Variants in PIWIL2 observed in about 807,000 individuals in gnomAD.
PIWIL2 encodes the protein piwi-like protein 2.
Under a neutral mutation model 116.5 loss-of-function variants are expected in PIWIL2, and 81 were observed. The ratio of observed to expected loss-of-function variants is 0.70; its 90% CI spans 0.58 to 0.84. PIWIL2 has a LOEUF of 0.84. Among genes scored for constraint, PIWIL2 ranks in the 40% least tolerant of loss-of-function variants. The pLI, the probability that PIWIL2 is intolerant of heterozygous loss-of-function variation, is 0.00. For synonymous variants in PIWIL2, 489 were observed against 429.5 expected (o/e 1.14, Z -1.71); for missense variants, 1,272 against 1,212.3 (o/e 1.05, Z -0.73).
chr8:22,350,522 G>A (rs1832329698), intron 20 of PIWIL2, among the ~76,000 whole-genome samples: 1 of 152,108 alleles, frequency 6.6e-6, no homozygotes, highest in Admixed American at 6.6e-5. Flanking sequence ...GCTTGAGCCT[G>A]GGAGGTGGAG....
intron 21 of PIWIL2, among the ~76,000 whole-genome samples, chr8:22,353,723 G>A (rs80041906): frequency 0.052 from 7,419 of 141,836 alleles, 292 homozygotes; most frequent in Admixed American, 0.093. Flanking sequence ...CTAAGATAGC[G>A]TATGCTTAAC....
Position 22,284,211 on chromosome 8 carries a change from C to G in PIWIL2, c.682C>G (p.Leu228Val), listed in dbSNP as rs748065275. 6.2e-7 allele frequency: 1 copy of G among 1,607,824 alleles called. No homozygotes were observed. ...GSKGTPQSLG[L>V]NLVKIQCHNE... ...AAAAGGAACACCTCAGTCTTTGGGACTGAACCTCGTCAAAATACAGTGTCA... is the reference window on the plus strand; with the variant it reads ...AAAAGGAACACCTCAGTCTTTGGGAGTGAACCTCGTCAAAATACAGTGTCA... Residue 228 changes from leucine to valine, a missense_variant, in exon 6 of 23, where the codon CTG becomes GTG. Transcript: ENST00000356766.
chr8:22,295,686 C>T (rs189290486), intron 10 of PIWIL2, among the ~76,000 whole-genome samples: 37 of 152,238 alleles, frequency 2.4e-4, no homozygotes, highest in African/African-American at 8.7e-4. Context: ...TGTTCTACCA[C>T]CTTCGTTCCC....
chr8:22,310,495 G>A (rs145860400), intron 15 of PIWIL2, among the ~76,000 whole-genome samples: 71 of 152,288 alleles, frequency 4.7e-4, no homozygotes, highest in African/African-American at 1.4e-3. Flanking sequence ...TTACTTCTCA[G>A]TGTTTTTGAC....
rs780850493 is a variant in PIWIL2 at position 22,281,215 on chromosome 8, G to A, written c.286+8G>A. 1.9e-6 allele frequency: 3 copies of A among 1,598,090 alleles called. No individual in the cohort carries two copies. The highest frequency in any genetic ancestry group is 2.6e-6 in the Non-Finnish European group (3 of 1,170,880). ...GGGAAATGCTTCCATCAGGTATGTG[G>A]AAAACTAACTTGAGAAATTTGGTGG... On this transcript the variant is annotated splice_region_variant and intron_variant, in intron 3 of 22. Transcript: ENST00000356766.
At chr8:22,331,738 G>A (rs1453947479) in intron 20 of PIWIL2, among the ~76,000 whole-genome samples, 1 of 152,038 alleles carries the variant, frequency 6.6e-6, no homozygotes, top group Non-Finnish European at 1.5e-5. Context: ...CAAAGAATTG[G>A]CAGAGTCGGT....
chr8:22,304,178 G>A lies in PIWIL2; in HGVS notation c.1339G>A (p.Gly447Arg), dbSNP rs1210529792. 4.3e-6 allele frequency: 7 copies of A among 1,613,516 alleles called. No individual in the cohort carries two copies. Among genetic ancestry groups the A allele is most frequent in the Non-Finnish European group, 5.9e-6 (7 of 1,179,608 alleles). Residue 447 changes from glycine (G) to arginine (R), a missense_variant, in exon 11 of 23, where the codon GGG becomes AGG. By Grantham distance (125) the Gly-to-Arg change is moderately radical. Transcript: ENST00000356766. Reference sequence around the variant, plus strand: ...AAAGGATAGCTTCACGATGTCTGATGGGAAAGAGATCACATTCTTGGAATA... The same window carrying A: ...AAAGGATAGCTTCACGATGTCTGATAGGAAAGAGATCACATTCTTGGAATA... The part of the protein sequence containing the change: ...TPKDSFTMSD[G>R]KEITFLEYYS...
intron 20 of PIWIL2, among the ~76,000 whole-genome samples, chr8:22,329,176 G>A (rs1436236015): frequency 6.6e-6 from 1 of 152,114 alleles, no homozygotes; most frequent in African/African-American, 2.4e-5. Context: ...ATGAAAGTGT[G>A]TTGGATTTTA....
chr8:22,315,183 A>T (rs1362585597), intron 18 of PIWIL2, 38 bp downstream of exon 18: 2 of 1,119,422 alleles, frequency 1.8e-6, no homozygotes, highest in East Asian at 4.7e-5. Context: ...GCCTCTCCAG[A>T]GAATCCTCCA....
chr8:22,309,608 G>T (rs1467097441), intron 14 of PIWIL2, among the ~76,000 whole-genome samples: 1 of 152,188 alleles, frequency 6.6e-6, no homozygotes, highest in Non-Finnish European at 1.5e-5. Flanking sequence ...CAAAGTGCTG[G>T]GATTACAGGC....
chr8:22,338,712 AAAT>A (rs1170747344), intron 20 of PIWIL2, among the ~76,000 whole-genome samples: 5 of 151,960 alleles, frequency 3.3e-5, no homozygotes, highest in Non-Finnish European at 7.4e-5. Flanking sequence ...ATAAATAAAT[AAAT>A]AAATAAATAA....
chr8:22,349,068 A>C, intron 20 of PIWIL2, among the ~76,000 whole-genome samples: 1 of 97,486 alleles, frequency 1.0e-5, no homozygotes, highest in African/African-American at 3.3e-5. Context: ...TTTTTTTTTG[A>C]GATGGGATCT....
chr8:22,320,736 G>T (rs932318355), intron 20 of PIWIL2, among the ~76,000 whole-genome samples: 1 of 151,994 alleles, frequency 6.6e-6, no homozygotes, highest in South Asian at 2.1e-4. Flanking sequence ...GATTACAGGT[G>T]CCCGCCACCA....
chr8:22,347,161 C>A (rs566733612), intron 20 of PIWIL2, among the ~76,000 whole-genome samples: 1 of 140,256 alleles, frequency 7.1e-6, no homozygotes, highest in African/African-American at 2.7e-5. Context: ...CAGAGCAAGA[C>A]GTTGTCTCAA....
chr8:22,304,030 T>C lies in PIWIL2; in HGVS notation c.1191T>C (p.Ile397=). The change falls in exon 11 of 23, where the codon ATT becomes ATC. Residue 397 remains isoleucine, a synonymous_variant. Transcript: ENST00000356766. ...TTATCTCTTTCCAAAGGCATGCCATTTATCAGCAGAATAAAGAACACTTCC... is the reference window on the plus strand; with the variant it reads ...TTATCTCTTTCCAAAGGCATGCCATCTATCAGCAGAATAAAGAACACTTCC... The part of the protein sequence containing the change: ...NDCVLDVMHA[I]YQQNKEHFQD... The C allele has an allele frequency of 6.2e-7, 1 of 1,611,212 alleles. No individual in the cohort carries two copies. Among genetic ancestry groups the C allele is most frequent in the Non-Finnish European group, 8.5e-7 (1 of 1,178,260 alleles).
At chr8:22,325,720 G>A (rs912451057) in intron 20 of PIWIL2, among the ~76,000 whole-genome samples, 2 of 152,058 alleles carry the variant, frequency 1.3e-5, no homozygotes, top group African/African-American at 4.8e-5. Flanking sequence ...CTGACCTCAA[G>A]TGATCTCCCT....
intron 20 of PIWIL2, among the ~76,000 whole-genome samples, chr8:22,318,628 G>A (rs1166369770): frequency 6.6e-6 from 1 of 152,100 alleles, no homozygotes; most frequent in Non-Finnish European, 1.5e-5. Context: ...AAGTTTCTGG[G>A]ATTTTAAGGA....
intron 14 of PIWIL2, 104 bp downstream of exon 14, chr8:22,308,177 G>T: frequency 2.1e-5 from 18 of 846,870 alleles, no homozygotes; most frequent in Non-Finnish European, 2.9e-5. Flanking sequence ...GTTTGTCCAT[G>T]TCATTTAATA....
chr8:22,286,718 C>G (rs758762993), intron 6 of PIWIL2, among the ~76,000 whole-genome samples: 2 of 152,134 alleles, frequency 1.3e-5, no homozygotes, highest in Non-Finnish European at 2.9e-5. Context: ...ATCTCCCAGG[C>G]TGAAATGATT....
Sources: allele counts gnomAD v4.1 joint callset (sites outside exome capture counted in the v4.1 genomes callset), GRCh38; gene constraint gnomAD v4.1.1; transcripts MANE v1.5; gene names NCBI Gene and HGNC (gene_info 2026-07-23, HGNC 2026-07-21).